Variants in TAFA4 observed in about 807,000 individuals in gnomAD.
The protein encoded by TAFA4 is TAFA chemokine like family member 4.
Under a neutral mutation model 21.1 loss-of-function variants are expected in TAFA4, and 20 were observed. That is an observed-to-expected ratio of 0.95 (90% CI 0.67 to 1.38). TAFA4 has a LOEUF of 1.38. Ranked by LOEUF, TAFA4 falls within the 40% of genes most tolerant of loss-of-function variation. The pLI, the probability that TAFA4 is intolerant of heterozygous loss-of-function variation, is 0.00. For synonymous variants in TAFA4, 71 were observed against 67.4 expected (o/e 1.05, Z -0.26); for missense variants, 211 against 180.9 (o/e 1.17, Z -0.95).
chr3:68,753,715 G>A (rs1451576870), intron 3 of TAFA4, among the ~76,000 whole-genome samples: 1 of 152,166 alleles, frequency 6.6e-6, no homozygotes, highest in Non-Finnish European at 1.5e-5. Context: ...GCCCTGAAAA[G>A]CAGACAGATG....
chr3:68,795,645 A>G (rs74823032), intron 3 of TAFA4, among the ~76,000 whole-genome samples: 6,511 of 152,250 alleles, frequency 0.043, 457 homozygotes, highest in African/African-American at 0.15. Context: ...ACCCAAAAAT[A>G]AATACAAAAT....
At chr3:68,907,513 C>T (rs991076196) in intron 1 of TAFA4, among the ~76,000 whole-genome samples, 10 of 152,350 alleles carry the variant, frequency 6.6e-5, no homozygotes, top group Admixed American at 2.6e-4. Flanking sequence ...ATAGGTCTGA[C>T]GCCTGGAGAG....
At chr3:68,802,740 C>T (rs929824957) in intron 3 of TAFA4, among the ~76,000 whole-genome samples, 27 of 152,200 alleles carry the variant, frequency 1.8e-4, no homozygotes, top group Admixed American at 5.9e-4. Context: ...AAATGAGAAT[C>T]TTTCCACCGC....
chr3:68,927,551 G>C (rs2090120098), intron 1 of TAFA4, among the ~76,000 whole-genome samples: 1 of 152,164 alleles, frequency 6.6e-6, no homozygotes, highest in Non-Finnish European at 1.5e-5. Context: ...TGTGTGTACT[G>C]CCATATTTTT....
intron 3 of TAFA4, among the ~76,000 whole-genome samples, chr3:68,826,147 G>A (rs967773328): frequency 2.6e-5 from 4 of 152,200 alleles, no homozygotes; most frequent in Non-Finnish European, 4.4e-5. Context: ...GCTCCGAAGG[G>A]AGAAGATGCC....
At chr3:68,739,402 G>C (rs1056717261) in intron 4 of TAFA4, among the ~76,000 whole-genome samples, 1 of 152,164 alleles carries the variant, frequency 6.6e-6, no homozygotes, top group Non-Finnish European at 1.5e-5. Flanking sequence ...ACAGATGTTG[G>C]TGAGAACGCA....
chr3:68,818,071 A>G (rs888674747), intron 3 of TAFA4, among the ~76,000 whole-genome samples: 3 of 152,144 alleles, frequency 2.0e-5, no homozygotes, highest in Admixed American at 6.6e-5. Flanking sequence ...TTGAAAATCT[A>G]TTGTGTAGCG....
chr3:68,903,982 C>T lies in TAFA4; in HGVS notation c.-122-18672G>A, dbSNP rs528710660. 1.3e-3 allele frequency among the ~76,000 whole-genome samples: 204 copies of T among 151,382 alleles called. 2 individuals are homozygous for T. The highest frequency in any genetic ancestry group is 2.6e-3 in the Non-Finnish European group (175 of 67,964). ...TTCCAGAAGTTGGAAAGAAAACTGA[C>T]AGATGATGCAATGACTTCTGTATAA... On this transcript the variant is annotated intron_variant, in intron 1 of 5. Coordinates refer to ENST00000295569, the MANE Select transcript of TAFA4 (RefSeq NM_182522.5).
chr3:68,889,176 C>A (rs554600592), intron 1 of TAFA4, among the ~76,000 whole-genome samples: 1 of 152,116 alleles, frequency 6.6e-6, no homozygotes, highest in East Asian at 1.9e-4. Flanking sequence ...TGGTCATTCT[C>A]GGAATGAACT....
chr3:68,841,195 C>T (rs1326477360), intron 3 of TAFA4, among the ~76,000 whole-genome samples: 3 of 124,706 alleles, frequency 2.4e-5, no homozygotes, highest in Admixed American at 7.8e-5. Flanking sequence ...TAGTGGCGCG[C>T]GCCTGTAGTC....
chr3:68,864,574 G>A (rs760380067), intron 3 of TAFA4, among the ~76,000 whole-genome samples: 2 of 152,048 alleles, frequency 1.3e-5, no homozygotes, highest in Non-Finnish European at 2.9e-5. Context: ...ATATGAACCA[G>A]CCATTCTTCT....
chr3:68,920,525 G>C (rs1191286380), intron 1 of TAFA4, among the ~76,000 whole-genome samples: 1 of 151,604 alleles, frequency 6.6e-6, no homozygotes, highest in South Asian at 2.1e-4. Flanking sequence ...GAAACATAAT[G>C]TATACTAAAT....
intron 3 of TAFA4, among the ~76,000 whole-genome samples, chr3:68,863,114 C>T (rs1399945429): frequency 1.3e-5 from 2 of 151,212 alleles, no homozygotes; most frequent in Non-Finnish European, 2.9e-5. Flanking sequence ...GGTACGTGCC[C>T]ATAGTCCCAG....
chr3:68,830,185 C>A (rs1329416156), intron 3 of TAFA4, among the ~76,000 whole-genome samples: 7 of 152,152 alleles, frequency 4.6e-5, no homozygotes, highest in Admixed American at 4.6e-4. Flanking sequence ...GTCTCTATCT[C>A]CTTCAGTTCT....
intron 3 of TAFA4, among the ~76,000 whole-genome samples, chr3:68,880,056 AACACACACAC>A (rs34023286): frequency 2.0e-5 from 3 of 149,904 alleles, no homozygotes; most frequent in Non-Finnish European, 4.5e-5. Context: ...AAAGGACAGA[AACACACACAC>A]ACACACACAC....
Position 68,779,636 on chromosome 3 carries a change from T to G in TAFA4, c.131-26618A>C, listed in dbSNP as rs553687154. Among the ~76,000 whole-genome samples, 28 of 152,294 alleles carry G rather than the reference T, an allele frequency of 1.8e-4. 1 individual carries two copies. Among genetic ancestry groups the G allele is most frequent in the African/African-American group, 5.5e-4 (23 of 41,574 alleles). The stretch of plus-strand genomic sequence containing the variant: ...CGACTTGGCAGCTTCCACATGATGT[T>G]GAGCCTGCAGGTGTACACAAGTCAA... On this transcript the variant is annotated intron_variant, in intron 3 of 5. Transcript: ENST00000295569.
At chr3:68,734,726 A>G (rs149570336) in intron 5 of TAFA4, among the ~76,000 whole-genome samples, 2 of 152,180 alleles carry the variant, frequency 1.3e-5, no homozygotes, top group East Asian at 3.9e-4. Flanking sequence ...AAATAGAGAT[A>G]ATAGTACCTG....
At chr3:68,852,927 C>T (rs1575641662) in intron 3 of TAFA4, among the ~76,000 whole-genome samples, 1 of 152,112 alleles carries the variant, frequency 6.6e-6, no homozygotes, top group East Asian at 1.9e-4. Flanking sequence ...TATTCAAGAT[C>T]AGACTAGTTA....
chr3:68,917,753 C>CA (rs55853026), intron 1 of TAFA4, among the ~76,000 whole-genome samples: 3,013 of 57,734 alleles, frequency 0.052, 105 homozygotes, highest in South Asian at 0.073. Flanking sequence ...GACTCTGTCT[C>CA]AAAAAAAAAA....
Sources: gnomAD v4.1 joint callset for allele counts (sites outside exome capture counted in the v4.1 genomes callset) on GRCh38, gnomAD v4.1.1 for gene constraint, MANE v1.5 for transcripts, NCBI Gene and HGNC (gene_info 2026-07-23, HGNC 2026-07-21) for gene names.